OSBPL10: variants seen among roughly 807,000 people sequenced by gnomAD.
OSBPL10 encodes oxysterol-binding protein-related protein 10.
Under a neutral mutation model 81.7 loss-of-function variants are expected in OSBPL10, and 49 were observed. The observed-to-expected ratio is 0.60, with a 90% CI of 0.48 to 0.76. The LOEUF (loss-of-function observed/expected upper bound fraction) is 0.76. Among genes scored for constraint, OSBPL10 ranks in the 30% least tolerant of loss-of-function variants. The probability of loss-of-function intolerance (pLI) is 0.00; values close to 1 mark genes in which losing one functional copy is unlikely to be tolerated. For synonymous variants in OSBPL10, 419 were observed against 383.6 expected, an observed-to-expected ratio of 1.09 and a Z score of -1.08; for missense variants, 923 against 987.8, an observed-to-expected ratio of 0.93 and a Z score of 0.88.
rs988724900 is a variant in OSBPL10, at chr3:31,860,238, C to T, written c.537+16195G>A. ...TCTGCATCATTCACTGCACGAAGCA[C>T]AGTCACCAGTCACCAGACCTATGAT... On this transcript the variant is annotated intron_variant, in intron 3 of 11. Transcript: ENST00000396556. Among the ~76,000 whole-genome samples the T allele has an allele frequency of 1.2e-4, 18 of 152,198 alleles. No individual in the cohort carries two copies. In the South Asian group the frequency reaches 1.7e-3, roughly 14 times the overall value.
chr3:31,982,103 T>C (rs1698862207), upstream of OSBPL10, among the ~76,000 whole-genome samples: 1 of 152,088 alleles, frequency 6.6e-6, no homozygotes, highest in Non-Finnish European at 1.5e-5. Flanking sequence ...AACCTATCCA[T>C]TGCTACCACA....
intron 4 of OSBPL10, among the ~76,000 whole-genome samples, chr3:31,796,762 C>T (rs1320364083): frequency 1.3e-5 from 2 of 152,116 alleles, no homozygotes; most frequent in East Asian, 1.9e-4. Flanking sequence ...TGATTTCTTA[C>T]AGTAGATTAC....
At chr3:31,803,757 A>G (rs886274727) in intron 4 of OSBPL10, among the ~76,000 whole-genome samples, 8 of 152,196 alleles carry the variant, frequency 5.3e-5, no homozygotes, top group African/African-American at 1.7e-4. Context: ...ATACTTTTTA[A>G]AAGTCCAAGC....
intron 2 of OSBPL10, among the ~76,000 whole-genome samples, chr3:32,008,683 G>C (rs1316918314): frequency 6.7e-6 from 1 of 150,334 alleles, no homozygotes; most frequent in African/African-American, 2.4e-5. Context: ...CCAGGCAGTC[G>C]AGGCTGCGGT....
chr3:31,849,812 A>G (rs1165447834), intron 3 of OSBPL10, among the ~76,000 whole-genome samples: 1 of 152,088 alleles, frequency 6.6e-6, no homozygotes, highest in East Asian at 1.9e-4. Context: ...CCAAGGCAGA[A>G]GGATTGCCTG....
At chr3:31,941,459 T>C (rs1291002725) in intron 1 of OSBPL10, among the ~76,000 whole-genome samples, 26 of 152,192 alleles carry the variant, frequency 1.7e-4, no homozygotes, top group Admixed American at 1.4e-3. Flanking sequence ...AACAAATCTC[T>C]CTGAGCTGTG....
chr3:31,715,838 G>T (rs1220218219), intron 6 of OSBPL10, among the ~76,000 whole-genome samples: 1 of 152,174 alleles, frequency 6.6e-6, no homozygotes, highest in Non-Finnish European at 1.5e-5. Flanking sequence ...CTCATCTGCG[G>T]ATGGTAAATG....
chr3:31,852,337 T>C (rs1180430353), intron 3 of OSBPL10, among the ~76,000 whole-genome samples: 4 of 151,662 alleles, frequency 2.6e-5, no homozygotes, highest in Admixed American at 6.6e-5. Flanking sequence ...TATCAGGAGG[T>C]AAAGAGTACA....
chr3:31,867,274 A>C (rs1334977129), intron 3 of OSBPL10, among the ~76,000 whole-genome samples: 1 of 152,208 alleles, frequency 6.6e-6, no homozygotes, highest in Non-Finnish European at 1.5e-5. Context: ...AAAGATTTCT[A>C]ATGCGATGAG....
At chr3:31,847,879 A>G (rs985466299) in intron 3 of OSBPL10, among the ~76,000 whole-genome samples, 4 of 152,102 alleles carry the variant, frequency 2.6e-5, no homozygotes, top group Non-Finnish European at 5.9e-5. Flanking sequence ...CAGAAGCTGC[A>G]GCCAACCTGC....
chr3:31,686,092 G>A (rs745479683), intron 7 of OSBPL10, among the ~76,000 whole-genome samples: 11 of 150,288 alleles, frequency 7.3e-5, no homozygotes, highest in African/African-American at 1.5e-4. Context: ...CTTCCCACAT[G>A]ATCTCTGCAC....
chr3:31,718,062 C>G (rs1696509607), intron 6 of OSBPL10: 1 of 151,862 alleles, frequency 6.6e-6, no homozygotes, highest in Non-Finnish European at 1.5e-5. Context: ...ACAATCCTTT[C>G]AATACTAAAT....
rs1025866820 is a variant in OSBPL10 at position 31,838,282 on chromosome 3, G to T, written c.538-8051C>A. Among the ~76,000 whole-genome samples the T allele has an allele frequency of 6.6e-5, 10 of 152,198 alleles. No homozygotes were observed. In the East Asian group the frequency reaches 1.7e-3, roughly 27 times the overall value. The stretch of plus-strand genomic sequence containing the variant: ...TCCCAGCACTTTGGGAGGCTGAGGT[G>T]GGCGGATCATGAGGTCAGGAGATCG... On this transcript the variant is annotated intron_variant, in intron 3 of 11. Coordinates refer to ENST00000396556, the MANE Select transcript of OSBPL10 (RefSeq NM_017784.5).
chr3:31,841,899 T>C (rs971361130), intron 3 of OSBPL10, among the ~76,000 whole-genome samples: 1 of 152,132 alleles, frequency 6.6e-6, no homozygotes, highest in Non-Finnish European at 1.5e-5. Context: ...TTGAAAAATA[T>C]CAATAAAAGT....
chr3:31,776,244 T>G (rs1698546586), intron 4 of OSBPL10, among the ~76,000 whole-genome samples: 1 of 152,134 alleles, frequency 6.6e-6, no homozygotes, highest in Non-Finnish European at 1.5e-5. Flanking sequence ...TCATGAGGGA[T>G]GTGCAAATCA....
intron 6 of OSBPL10, among the ~76,000 whole-genome samples, chr3:31,708,523 TAA>T (rs977580063): frequency 1.3e-5 from 2 of 152,214 alleles, no homozygotes; most frequent in African/African-American, 4.8e-5. Flanking sequence ...CCAGGGTATA[TAA>T]AGACGGCCAG....
At chr3:32,034,546 C>G (rs1475243210) in intron 2 of OSBPL10, among the ~76,000 whole-genome samples, 4 of 151,920 alleles carry the variant, frequency 2.6e-5, no homozygotes, top group Admixed American at 6.6e-5. Flanking sequence ...CAATCAATCA[C>G]AGGCTCCAGA....
At chr3:31,980,557 C>A (rs1000412357) in intron 1 of OSBPL10, among the ~76,000 whole-genome samples, 1 of 152,080 alleles carries the variant, frequency 6.6e-6, no homozygotes, top group Non-Finnish European at 1.5e-5. Context: ...ATTCTTCAGG[C>A]GTGCGGGAAA....
chr3:31,859,369 G>A (rs750437188), intron 3 of OSBPL10, among the ~76,000 whole-genome samples: 6 of 152,172 alleles, frequency 3.9e-5, no homozygotes, highest in Non-Finnish European at 8.8e-5. Flanking sequence ...GAAGTTCCAC[G>A]CCCCTTCCCT....
Sources: allele counts gnomAD v4.1 joint callset (sites outside exome capture counted in the v4.1 genomes callset), GRCh38; gene constraint gnomAD v4.1.1; transcripts MANE v1.5; gene names NCBI Gene and HGNC (gene_info 2026-07-23, HGNC 2026-07-21).